The following INTS4 variants were observed in gnomAD, a reference collection of about 807,000 sequenced individuals.
The protein encoded by INTS4 is integrator complex subunit 4, also known as MSTP093.
In INTS4, 70 loss-of-function variants were observed where a neutral mutation model predicts 119.5. The observed-to-expected ratio is 0.59, with a 90% confidence interval of 0.48 to 0.71. The LOEUF is 0.71. INTS4 is among the 30% of genes least tolerant of loss of function. The pLI is 0.00. For missense variants in INTS4, 867 were observed against 1,173.2 expected (o/e 0.74, Z 3.81); for synonymous variants, 316 against 419.6 (o/e 0.75, Z 3.02).
chr11:77,988,192 G>A (rs964132164), intron 2 of INTS4, among the ~76,000 whole-genome samples: 1 of 152,220 alleles, frequency 6.6e-6, no homozygotes, highest in Non-Finnish European at 1.5e-5. Flanking sequence ...TAATGGATCT[G>A]CAGCCTCTGA....
At chr11:77,912,599 TGTA>T (rs1383025653) in intron 15 of INTS4, among the ~76,000 whole-genome samples, 5 of 152,228 alleles carry the variant, frequency 3.3e-5, no homozygotes. Flanking sequence ...GCAAATCAAA[TGTA>T]GTTTATTTTT....
intron 6 of INTS4, 22 bp downstream of exon 6, chr11:77,960,319 A>G (rs778345570): frequency 1.3e-6 from 2 of 1,578,462 alleles, no homozygotes; most frequent in South Asian, 2.3e-5. Context: ...AACCCCTTCC[A>G]GACAGTAATC....
At chr11:77,944,785 A>G (rs548193023) in intron 8 of INTS4, among the ~76,000 whole-genome samples, 1 of 152,366 alleles carries the variant, frequency 6.6e-6, no homozygotes, top group Admixed American at 6.5e-5. Context: ...ATTTTGGAGC[A>G]TATTTCAGAT....
At position 77,938,780 on chromosome 11, in the gene INTS4, C is replaced by T; in HGVS notation, c.1036G>A (p.Gly346Arg). The T allele has an allele frequency of 1.9e-6, 3 of 1,612,008 alleles. No individual in the cohort carries two copies. Among genetic ancestry groups the T allele is most frequent in the Non-Finnish European group, 2.5e-6 (3 of 1,179,862 alleles). The change falls in exon 10 of 23, where the codon GGG becomes AGG. Residue 346 changes from glycine to arginine, a missense_variant. Coordinates refer to ENST00000534064, the MANE Select transcript of INTS4 (RefSeq NM_033547.4). ...HERAKELYSSGEFSSGRKWGD... is the reference protein window; with the variant it reads ...HERAKELYSSREFSSGRKWGD... ...CACTTTCTGCCACTGGAAAACTCCC[C>T]CGAACTGTAAAGTTCCTTGGCACGC... is the stretch of plus-strand genomic sequence containing the variant.
At chr11:77,960,274 C>T in intron 6 of INTS4, 67 bp downstream of exon 6, 4 of 1,144,438 alleles carry the variant, frequency 3.5e-6, no homozygotes, top group Non-Finnish European at 3.9e-6. Context: ...ATTCTGAGAA[C>T]CTGTGTGCCG....
At chr11:77,932,931 G>C (rs964730799) in intron 10 of INTS4, among the ~76,000 whole-genome samples, 4 of 147,272 alleles carry the variant, frequency 2.7e-5, no homozygotes, top group Non-Finnish European at 6.0e-5. Flanking sequence ...CTGAAGGTGG[G>C]GGGGCATCAC....
At chr11:77,879,239 T>C (rs1951697977) in intron 22 of INTS4, 112 bp from the exon 23 acceptor site, 1 of 1,116,908 alleles carries the variant, frequency 9.0e-7, no homozygotes, top group Non-Finnish European at 1.3e-6. Flanking sequence ...AATTTCTTCA[T>C]CCGTCTACAT....
At chr11:77,987,795 G>A in intron 2 of INTS4, 1 of 357,552 alleles carries the variant, frequency 2.8e-6, no homozygotes, top group Non-Finnish European at 5.6e-6. Context: ...GATGGCTTGA[G>A]CCTGGGAGTC....
chr11:77,906,443 T>C (rs930370303), intron 16 of INTS4, among the ~76,000 whole-genome samples: 1 of 152,222 alleles, frequency 6.6e-6, no homozygotes, highest in African/African-American at 2.4e-5. Context: ...TTCTCTTTCC[T>C]CACCCATATT....
intron 4 of INTS4, chr11:77,978,008 C>T (rs1856019879): frequency 6.6e-6 from 1 of 152,232 alleles, no homozygotes; most frequent in Non-Finnish European, 1.5e-5. Context: ...CCTGCCTCAG[C>T]CTCCCTAGTA....
At chr11:77,945,999 C>A (rs1954039443) in intron 8 of INTS4, among the ~76,000 whole-genome samples, 2 of 152,234 alleles carry the variant, frequency 1.3e-5, no homozygotes, top group African/African-American at 4.8e-5. Flanking sequence ...ACAGAGCTGC[C>A]CAGCAGGCCA....
chr11:77,953,525 A>G (rs562590318), intron 8 of INTS4, among the ~76,000 whole-genome samples: 13 of 152,236 alleles, frequency 8.5e-5, no homozygotes, highest in Admixed American at 2.6e-4. Context: ...ACACAGATAT[A>G]AAATAAGGGT....
At chr11:77,957,116 A>G (rs1453326030) in intron 7 of INTS4, among the ~76,000 whole-genome samples, 1 of 152,050 alleles carries the variant, frequency 6.6e-6, no homozygotes, top group African/African-American at 2.4e-5. Context: ...TTATATTTTT[A>G]GTAGAGATGG....
rs1270768587 is a variant in INTS4, at chr11:77,929,724, T to G, written c.1166-1177A>C. 2.0e-5 allele frequency among the ~76,000 whole-genome samples: 3 copies of G among 152,148 alleles called. No individual in the cohort carries two copies. The East Asian group carries it at 5.8e-4, about 29-fold the overall frequency. On this transcript the variant is annotated intron_variant, in intron 10 of 22. Coordinates refer to ENST00000534064, the MANE Select transcript of INTS4 (RefSeq NM_033547.4). ...TCTCAGAGCAAACTGTAGTGAATGA[T>G]CCCTCCACTAAGTTGGAGGGTGATC...
intron 4 of INTS4, among the ~76,000 whole-genome samples, chr11:77,964,585 T>A (rs1855410327): frequency 2.0e-5 from 3 of 149,710 alleles, no homozygotes; most frequent in Admixed American, 6.7e-5. Context: ...AAAATAAAAA[T>A]AAAAATAAAA....
At chr11:77,949,281 G>C (rs551655849) in intron 8 of INTS4, among the ~76,000 whole-genome samples, 1 of 152,020 alleles carries the variant, frequency 6.6e-6, no homozygotes, top group Non-Finnish European at 1.5e-5. Flanking sequence ...AGAAAACCTA[G>C]GCAATACCAT....
At chr11:77,900,517 G>A in intron 18 of INTS4, 1 of 617,676 alleles carries the variant, frequency 1.6e-6, no homozygotes, top group Non-Finnish European at 2.9e-6. Context: ...GTATGTTTCT[G>A]TGTTTAAGCA....
chr11:77,878,984 T>C lies in INTS4; in HGVS notation c.2857A>G (p.Lys953Glu), dbSNP rs750284357. ...EGTIPFSKPV[K>E]VYIMPKPARR is the part of the protein sequence containing the mutation. ...GCAGGTTTGGGCATTATATAAACTT[T>C]TACAGGCTTGCTGAAGGGAATGGTG... The change falls in exon 23 of 23, where the codon AAA (lysine) becomes GAA (glutamate). Residue 953 changes from lysine (K) to glutamate (E), a missense_variant. This residue lies in a region of INTS4 where 122 missense variants were observed against 133.2 expected (regional missense o/e 0.92). Coordinates refer to ENST00000534064, the MANE Select transcript of INTS4 (RefSeq NM_033547.4). 3 of 1,614,092 alleles carry C rather than the reference T, an allele frequency of 1.9e-6. No individual in the cohort carries two copies. Among genetic ancestry groups the C allele is most frequent in the Non-Finnish European group, 2.5e-6 (3 of 1,180,006 alleles).
intron 16 of INTS4, among the ~76,000 whole-genome samples, chr11:77,904,812 T>C (rs1952892529): frequency 6.6e-6 from 1 of 152,202 alleles, no homozygotes; most frequent in Non-Finnish European, 1.5e-5. Flanking sequence ...TAGCGTGTTT[T>C]GGGTTGTATG....
Sources: allele counts gnomAD v4.1 joint callset (sites outside exome capture counted in the v4.1 genomes callset), GRCh38; gene constraint gnomAD v4.1.1; regional missense constraint gnomAD v4.1.1; transcripts MANE v1.5; gene names NCBI Gene and HGNC (gene_info 2026-07-23, HGNC 2026-07-21).